Variants in ARHGEF4 observed in about 807,000 individuals in gnomAD.
ARHGEF4 encodes Rho guanine nucleotide exchange factor 4.
In ARHGEF4, 119 loss-of-function variants were observed where a neutral mutation model predicts 162.0. The ratio of observed to expected loss-of-function variants is 0.73; its 90% confidence interval spans 0.63 to 0.86. The LOEUF (loss-of-function observed/expected upper bound fraction) is 0.86, where lower values mean the gene tolerates loss of function less well. Ranked by LOEUF, ARHGEF4 falls within the 40% of genes least tolerant of loss-of-function variation. The pLI is 0.00. For missense variants in ARHGEF4, 2,488 were observed against 2,456.0 expected, an observed-to-expected ratio of 1.01 and a Z score of -0.28; for synonymous variants, 1,014 against 979.9, an observed-to-expected ratio of 1.03 and a Z score of -0.65.
intron 1 of ARHGEF4, among the ~76,000 whole-genome samples, chr2:130,839,571 G>A (rs1335385645): frequency 6.6e-6 from 1 of 152,190 alleles, no homozygotes; most frequent in Admixed American, 6.5e-5. Context: ...GTGTGGCAGA[G>A]TCCCTCCCCG....
chr2:131,016,538 A>G (rs1688786295), intron 4 of ARHGEF4, among the ~76,000 whole-genome samples: 1 of 152,252 alleles, frequency 6.6e-6, no homozygotes, highest in Non-Finnish European at 1.5e-5. Flanking sequence ...AGTTTCTCAA[A>G]GGGCCCCAAG....
At chr2:130,934,545 T>A (rs1051218176) in intron 3 of ARHGEF4, among the ~76,000 whole-genome samples, 5 of 152,180 alleles carry the variant, frequency 3.3e-5, no homozygotes, top group Non-Finnish European at 5.9e-5. Context: ...TATTTCTTCT[T>A]GTTTTGTTTT....
intron 4 of ARHGEF4, among the ~76,000 whole-genome samples, chr2:131,012,291 C>T (rs925970614): frequency 6.6e-6 from 1 of 152,102 alleles, no homozygotes; most frequent in African/African-American, 2.4e-5. Flanking sequence ...AGATGCATAT[C>T]AGGCATCTCA....
chr2:130,890,051 C>T (rs1261006480), intron 1 of ARHGEF4, among the ~76,000 whole-genome samples: 1 of 152,038 alleles, frequency 6.6e-6, no homozygotes, highest in Non-Finnish European at 1.5e-5. Context: ...TTTGGTTTCA[C>T]TGGTTTGTTT....
intron 1 of ARHGEF4, among the ~76,000 whole-genome samples, chr2:130,882,711 G>T (rs879163267): frequency 2.6e-5 from 4 of 151,924 alleles, no homozygotes; most frequent in Admixed American, 6.6e-5. Context: ...GAACACAGAC[G>T]CAGGGGACTT....
intron 2 of ARHGEF4, among the ~76,000 whole-genome samples, chr2:130,919,686 G>A (rs978119545): frequency 6.6e-6 from 1 of 152,084 alleles, no homozygotes; most frequent in Admixed American, 6.5e-5. Flanking sequence ...GACCAGCCTG[G>A]CCAACATGGT....
At chr2:130,933,032 A>G (rs976628077) in intron 3 of ARHGEF4, among the ~76,000 whole-genome samples, 4 of 152,114 alleles carry the variant, frequency 2.6e-5, no homozygotes, top group Admixed American at 1.3e-4. Flanking sequence ...CCTGGACAAC[A>G]TGGTGAAACC....
At chr2:130,899,789 G>A (rs1680383336) in intron 1 of ARHGEF4, among the ~76,000 whole-genome samples, 1 of 152,140 alleles carries the variant, frequency 6.6e-6, no homozygotes, top group Admixed American at 6.5e-5. Flanking sequence ...AAGGGGGTGG[G>A]AGGGCGATGG....
At position 131,046,297 on chromosome 2, in the gene ARHGEF4, G is replaced by C; in HGVS notation, c.*108G>C. On this transcript the variant is annotated 3_prime_UTR_variant, in exon 14 of 14. Coordinates refer to ENST00000409359, the MANE Select transcript of ARHGEF4 (RefSeq NM_001367493.1). Reference sequence around the variant, plus strand: ...CCTTCCTCTGCCTGCAAGTGAGCAGGGATGGGCTGGGGAGTTGCTTGTGCC... The same window carrying C: ...CCTTCCTCTGCCTGCAAGTGAGCAGCGATGGGCTGGGGAGTTGCTTGTGCC... 1 of 1,193,402 alleles carries C rather than the reference G, an allele frequency of 8.4e-7. No individual in the cohort carries two copies. Among genetic ancestry groups the C allele is most frequent in the Non-Finnish European group, 1.2e-6 (1 of 854,434 alleles). The allele number at this position is 1,193,402 out of a possible 1,614,324, so 73.9% of individuals were successfully genotyped here. A position where few individuals can be genotyped will look rare whatever the true frequency, so the allele number is the denominator to read the frequency against.
At position 130,868,973 on chromosome 2, in the gene ARHGEF4, C is replaced by G. The variant is rs913454453; in HGVS notation, c.39+31981C>G. Reference sequence around the variant, plus strand: ...TCACATCACCTTCCGGTGATCATATCGGGACCACCTGGATAATCTGGGTTA... The same window carrying G: ...TCACATCACCTTCCGGTGATCATATGGGGACCACCTGGATAATCTGGGTTA... On this transcript the variant is annotated intron_variant, in intron 1 of 13. Coordinates refer to ENST00000409359, the MANE Select transcript of ARHGEF4 (RefSeq NM_001367493.1). 2.6e-5 allele frequency among the ~76,000 whole-genome samples: 4 copies of G among 152,204 alleles called. No individual in the cohort carries two copies. In the East Asian group the frequency reaches 7.7e-4, roughly 29 times the overall value.
At chr2:130,926,048 C>CTTTCTTTCTTTCTTTCTT in intron 2 of ARHGEF4, among the ~76,000 whole-genome samples, 6 of 53,458 alleles carry the variant, frequency 1.1e-4, no homozygotes, top group African/African-American at 3.7e-4. Context: ...TTCTTTCTTT[C>CTTTCTTTCTTTCTTTCTT]TCTTTCTTTC....
At chr2:130,910,329 A>C (rs1681097280) in intron 1 of ARHGEF4, among the ~76,000 whole-genome samples, 1 of 152,232 alleles carries the variant, frequency 6.6e-6, no homozygotes, top group Admixed American at 6.5e-5. Flanking sequence ...TGGTTGGCAA[A>C]TACTAACCAA....
chr2:131,043,707 C>A, intron 11 of ARHGEF4, 124 bp downstream of exon 11: 1 of 1,338,616 alleles, frequency 7.5e-7, no homozygotes, highest in Non-Finnish European at 1.0e-6. Context: ...CCTGGCCAGA[C>A]CCTTGGGGCT....
chr2:131,006,151 A>G (rs1358742926), intron 4 of ARHGEF4, among the ~76,000 whole-genome samples: 1 of 152,196 alleles, frequency 6.6e-6, no homozygotes, highest in Non-Finnish European at 1.5e-5. Flanking sequence ...TCAGCCACCC[A>G]GGGACCTCAG....
chr2:131,002,394 G>A (rs983431797), intron 4 of ARHGEF4, among the ~76,000 whole-genome samples: 38 of 149,070 alleles, frequency 2.5e-4, no homozygotes, highest in Non-Finnish European at 4.9e-4. Context: ...TGGCTAACAC[G>A]GTGAAACCCC....
At chr2:130,887,007 C>T (rs543755852) in intron 1 of ARHGEF4, among the ~76,000 whole-genome samples, 2 of 152,086 alleles carry the variant, frequency 1.3e-5, no homozygotes, top group South Asian at 4.1e-4. Context: ...TATCCTTACA[C>T]CAATGTCACA....
chr2:130,976,320 C>T (rs917346248), intron 4 of ARHGEF4, among the ~76,000 whole-genome samples: 4 of 147,342 alleles, frequency 2.7e-5, no homozygotes, highest in East Asian at 2.0e-4. Context: ...AAAACTCATT[C>T]GGCCCCAGAA....
chr2:131,045,539 C>T lies in ARHGEF4; in HGVS notation c.5479+93C>T. On this transcript the variant is annotated intron_variant, in intron 13 of 13. Coordinates refer to ENST00000409359, the MANE Select transcript of ARHGEF4 (RefSeq NM_001367493.1). ...TGAACCACAAAGCCAAGCCAGCTAG[C>T]CACCAGGCCTGAGGGGGGCCCACTG... The T allele has an allele frequency of 1.9e-6, 3 of 1,612,208 alleles. No homozygotes were observed. In the South Asian group the frequency reaches 3.3e-5, roughly 18 times the overall value.
At chr2:131,011,811 T>A (rs1318737428) in intron 4 of ARHGEF4, 2 of 774,992 alleles carry the variant, frequency 2.6e-6, no homozygotes, top group South Asian at 2.9e-5. Flanking sequence ...CAAGGACCGC[T>A]CAGGGTATTG....
Sources: allele counts gnomAD v4.1 joint callset (sites outside exome capture counted in the v4.1 genomes callset), GRCh38; gene constraint gnomAD v4.1.1; transcripts MANE v1.5; gene names NCBI Gene and HGNC (gene_info 2026-07-23, HGNC 2026-07-21).